The following ROBO2 variants were observed in gnomAD, a reference collection of about 807,000 sequenced individuals.
ROBO2 encodes roundabout homolog 2.
Under a neutral mutation model 160.8 loss-of-function variants are expected in ROBO2, and 53 were observed. That is an observed-to-expected ratio of 0.33 (90% CI 0.26 to 0.41). The LOEUF is 0.41. Ranked by LOEUF, ROBO2 falls within the 10% of genes least tolerant of loss-of-function variation. The probability of loss-of-function intolerance (pLI) is 1.00; values close to 1 mark genes in which losing one functional copy is unlikely to be tolerated. For synonymous variants in ROBO2, 664 were observed against 611.7 expected (o/e 1.09, Z -1.26); for missense variants, 1,577 against 1,722.4 (o/e 0.92, Z 1.49).
At chr3:77,088,444 T>C (rs1177357036) in intron 1 of ROBO2, among the ~76,000 whole-genome samples, 1 of 152,214 alleles carries the variant, frequency 6.6e-6, no homozygotes, top group Non-Finnish European at 1.5e-5. Context: ...TGTACAGGTT[T>C]GTTACGTAGG....
intron 2 of ROBO2, among the ~76,000 whole-genome samples, chr3:76,874,327 C>T (rs925320756): frequency 9.9e-5 from 15 of 152,088 alleles, no homozygotes; most frequent in African/African-American, 3.6e-4. Context: ...AGTTTTTCAT[C>T]TTCAAGCTGC....
chr3:76,091,373 CA>C (rs1309776956), intron 2 of ROBO2, among the ~76,000 whole-genome samples: 1 of 152,124 alleles, frequency 6.6e-6, no homozygotes, highest in East Asian at 1.9e-4. Context: ...CAAATTGAAA[CA>C]ATAATGAGAA....
chr3:76,339,950 A>G (rs2074118657), intron 2 of ROBO2, among the ~76,000 whole-genome samples: 1 of 152,046 alleles, frequency 6.6e-6, no homozygotes, highest in Non-Finnish European at 1.5e-5. Flanking sequence ...GGAATTTTTC[A>G]AAGTTTAGCA....
chr3:76,656,078 A>G (rs1482369475), intron 2 of ROBO2, among the ~76,000 whole-genome samples: 1 of 152,128 alleles, frequency 6.6e-6, no homozygotes. Flanking sequence ...TAAGTGTACT[A>G]AGCAAAAACA....
intron 4 of ROBO2, among the ~76,000 whole-genome samples, chr3:77,481,777 C>G (rs1560959420): frequency 6.6e-6 from 1 of 152,104 alleles, no homozygotes; most frequent in Non-Finnish European, 1.5e-5. Context: ...AGAACCAAGG[C>G]TCTCCTTAGC....
chr3:76,371,362 G>C (rs1039752331), intron 2 of ROBO2, among the ~76,000 whole-genome samples: 2 of 151,932 alleles, frequency 1.3e-5, no homozygotes, highest in African/African-American at 2.4e-5. Context: ...TTGTATATGA[G>C]TCTTTGCACA....
At chr3:75,984,737 A>G (rs1414054364) in intron 2 of ROBO2, among the ~76,000 whole-genome samples, 1 of 151,418 alleles carries the variant, frequency 6.6e-6, no homozygotes, top group Non-Finnish European at 1.5e-5. Flanking sequence ...CTACTGGTCA[A>G]TCACACAACT....
In ROBO2 at chr3:76,357,427, A is replaced by G. The variant is rs373986894; in HGVS notation, c.109+419825A>G. Among the ~76,000 whole-genome samples, 8 of 152,146 alleles carry G rather than the reference A, an allele frequency of 5.3e-5. No individual in the cohort carries two copies. In the South Asian group the frequency reaches 1.7e-3, roughly 32 times the overall value. ...GATGAACCTCAAAAATGTAAAGAAA[A>G]GACAACAGATTCAAAAAAGTAAATA... On this transcript the variant is annotated intron_variant, in intron 2 of 26. Coordinates refer to the ROBO2 transcript ENST00000487694.
intron 2 of ROBO2, among the ~76,000 whole-genome samples, chr3:77,010,146 T>C (rs560614210): frequency 3.4e-4 from 52 of 152,252 alleles, no homozygotes; most frequent in Admixed American, 1.8e-3. Flanking sequence ...TTTGCTGAAC[T>C]TGGTTGATTT....
intron 2 of ROBO2, among the ~76,000 whole-genome samples, chr3:76,804,408 C>CGG (rs2064504376): frequency 6.6e-6 from 1 of 152,124 alleles, no homozygotes; most frequent in African/African-American, 2.4e-5. Context: ...TCGTAGCAGT[C>CGG]GGTTTTCTAA....
chr3:76,729,725 C>T (rs915922195), intron 2 of ROBO2, among the ~76,000 whole-genome samples: 1 of 151,806 alleles, frequency 6.6e-6, no homozygotes, highest in Non-Finnish European at 1.5e-5. Context: ...GCAGCCTCTG[C>T]CTCCCATGTT....
chr3:76,105,495 A>C (rs541461718), intron 2 of ROBO2, among the ~76,000 whole-genome samples: 23 of 151,896 alleles, frequency 1.5e-4, no homozygotes, highest in African/African-American at 5.3e-4. Flanking sequence ...TAGATGATAT[A>C]TTTATATTTC....
intron 2 of ROBO2, chr3:76,434,892 A>G: frequency 6.3e-7 from 1 of 1,594,936 alleles, no homozygotes; most frequent in Non-Finnish European, 8.6e-7. Context: ...CAGTGGCCCC[A>G]AGCCATTCTC....
intron 2 of ROBO2, among the ~76,000 whole-genome samples, chr3:76,841,757 GA>G (rs1186492809): frequency 2.0e-5 from 3 of 152,170 alleles, no homozygotes; most frequent in African/African-American, 7.2e-5. Flanking sequence ...CCTCAAGAAG[GA>G]AGGACATCTT....
chr3:76,499,157 C>A (rs1292616611), intron 2 of ROBO2, among the ~76,000 whole-genome samples: 1 of 152,116 alleles, frequency 6.6e-6, no homozygotes, highest in Admixed American at 6.6e-5. Context: ...GATCTCATGA[C>A]CTTATTGGAG....
At chr3:77,370,128 G>C (rs540737661) in intron 2 of ROBO2, among the ~76,000 whole-genome samples, 2 of 152,290 alleles carry the variant, frequency 1.3e-5, no homozygotes, top group African/African-American at 4.8e-5. Context: ...ACAAAAGTGT[G>C]ATGGTTTGAA....
intron 2 of ROBO2, among the ~76,000 whole-genome samples, chr3:77,395,789 C>G (rs1399876256): frequency 6.6e-6 from 1 of 151,978 alleles, no homozygotes; most frequent in African/African-American, 2.4e-5. Context: ...ATACATTGCT[C>G]TTTATTTAAA....
intron 1 of ROBO2, among the ~76,000 whole-genome samples, chr3:77,062,773 C>T (rs1460779283): frequency 1.3e-5 from 2 of 152,028 alleles, no homozygotes; most frequent in Non-Finnish European, 2.9e-5. Flanking sequence ...AAGCAAGACA[C>T]ACAAAAAAAA....
chr3:76,798,892 AAACAACAACAAC>A (rs60526472), intron 2 of ROBO2, among the ~76,000 whole-genome samples: 47,667 of 150,050 alleles, frequency 0.32, 9,320 homozygotes, highest in Non-Finnish European at 0.43. Context: ...GACCTTTTCT[AAACAACAACAAC>A]AACAACAACA....
Sources: allele counts gnomAD v4.1 joint callset (sites outside exome capture counted in the v4.1 genomes callset), GRCh38; gene constraint gnomAD v4.1.1; transcripts MANE v1.5; gene names NCBI Gene and HGNC (gene_info 2026-07-23, HGNC 2026-07-21).